The following TSBP1 variants were observed in gnomAD, a reference collection of about 807,000 sequenced individuals.
The protein encoded by TSBP1 is testis expressed basic protein 1.
A neutral mutation model predicts 68.8 loss-of-function variants in TSBP1; 56 were observed. The ratio of observed to expected loss-of-function variants is 0.81; its 90% CI spans 0.66 to 1.02. The LOEUF is 1.02. Among genes scored for constraint, TSBP1 ranks in the 50% least tolerant of loss-of-function variants. The pLI is 0.00. For synonymous variants in TSBP1, 171 were observed against 208.7 expected, an observed-to-expected ratio of 0.82 and a Z score of 1.56; for missense variants, 502 against 641.2, an observed-to-expected ratio of 0.78 and a Z score of 2.34.
chr6:32,324,824 C>A, intron 16 of TSBP1: 1 of 1,135,432 alleles, frequency 8.8e-7, no homozygotes, highest in Non-Finnish European at 1.2e-6. Flanking sequence ...TTCCAGAAAA[C>A]TAATTATCAG....
At chr6:32,310,761 A>ATATATATATATATATATATATATATATAT in intron 19 of TSBP1, among the ~76,000 whole-genome samples, 4 of 144,834 alleles carry the variant, frequency 2.8e-5, no homozygotes, top group African/African-American at 1.0e-4. Flanking sequence ...ATATATATAT[A>ATATATATATATATATATATATATATATAT]TTTTTAATCT....
intron 18 of TSBP1, among the ~76,000 whole-genome samples, chr6:32,319,756 C>T (rs951403492): frequency 2.6e-5 from 4 of 151,992 alleles, no homozygotes; most frequent in Non-Finnish European, 5.9e-5. Flanking sequence ...TATATGTTTA[C>T]TTGGCATTAT....
At position 32,323,628 on chromosome 6, in the gene TSBP1, A is replaced by C; in HGVS notation, c.515-14T>G. On this transcript the variant is annotated splice_polypyrimidine_tract_variant and intron_variant, in intron 16 of 22. Transcript: ENST00000612031. Reference sequence around the variant, plus strand: ...AAGGTGGACCAGCTGAAAAACAGAGAGGTATCTTAGCAACTGTTTTTTCTC... The same window carrying C: ...AAGGTGGACCAGCTGAAAAACAGAGCGGTATCTTAGCAACTGTTTTTTCTC... The C allele has an allele frequency of 6.2e-7, 1 of 1,611,652 alleles. No homozygotes were observed. Among genetic ancestry groups the C allele is most frequent in the Non-Finnish European group, 8.5e-7 (1 of 1,178,932 alleles).
Position 32,335,837 on chromosome 6 carries a change from G to T in TSBP1, c.451+75C>A. On this transcript the variant is annotated intron_variant, in intron 13 of 22. Coordinates refer to ENST00000612031, the Ensembl canonical transcript of TSBP1. This position sits in a 1 kb window ranked among gnomAD's most constrained non-coding sequence, Gnocchi z 5.5. ...TCCAAACCCTTGAAATCCCAACATG[G>T]AAACCAGGTAGCGATCCCTAAGATA... The T allele has an allele frequency of 8.3e-7, 1 of 1,204,116 alleles. No homozygotes were observed. 74.6% of individuals were successfully genotyped at this position (1,204,116 alleles called of 1,614,324 possible).
Position 32,315,767 on chromosome 6 carries a change from C to T in TSBP1, c.580+5G>A, listed in dbSNP as rs1372136702. The T allele has an allele frequency of 1.7e-5, 26 of 1,509,144 alleles. No homozygotes were observed. The highest frequency in any genetic ancestry group is 2.2e-5 in the Non-Finnish European group (25 of 1,123,288). 93.5% of individuals were successfully genotyped at this position (1,509,144 alleles called of 1,614,324 possible). On this transcript the variant is annotated splice_donor_5th_base_variant and intron_variant, in intron 19 of 22. Transcript: ENST00000612031. This position sits in a 1 kb window ranked among gnomAD's most constrained non-coding sequence, Gnocchi z 5.4. ...ATATGACCAGCTGAGAAATAAAGAA[C>T]TTACTTGCAGTTCTCTGCGAAATTA... is the stretch of plus-strand genomic sequence containing the variant.
chr6:32,336,371 A>G lies in TSBP1; in HGVS notation c.430+244T>C, dbSNP rs1769674286. On this transcript the variant is annotated intron_variant, in intron 12 of 22. Coordinates refer to ENST00000612031, the Ensembl canonical transcript of TSBP1. This position sits in a 1 kb window ranked among gnomAD's most constrained non-coding sequence, Gnocchi z 5.2. ...TGTGAGATTTCTTAACACTTCGTGC[A>G]TGGCCTCTTTGGAAACTATGTAATA... is the stretch of plus-strand genomic sequence containing the variant. Among the ~76,000 whole-genome samples, 1 of 152,184 alleles carries G rather than the reference A, an allele frequency of 6.6e-6. No homozygotes were observed. The highest frequency in any genetic ancestry group is 2.4e-5 in the African/African-American group (1 of 41,436).
At chr6:32,324,603 T>C (rs1768007489) in intron 16 of TSBP1, 1 of 1,475,180 alleles carries the variant, frequency 6.8e-7, no homozygotes, top group Admixed American at 2.3e-5. Context: ...ACTCTTGGAC[T>C]CCACTAGAGA....
At chr6:32,360,874 T>C (rs1772935437) in intron 6 of TSBP1, among the ~76,000 whole-genome samples, 1 of 110,442 alleles carries the variant, frequency 9.1e-6, no homozygotes, top group Non-Finnish European at 2.3e-5. Flanking sequence ...TTTGTTTTTT[T>C]CTCTCTCTCT....
intron 22 of TSBP1, among the ~76,000 whole-genome samples, chr6:32,298,558 G>T (rs1015752795): frequency 1.3e-5 from 2 of 151,630 alleles, no homozygotes; most frequent in East Asian, 1.9e-4. Flanking sequence ...CAGCTTGGGC[G>T]ACAAGAACGA....
rs1302591035 is a variant in TSBP1 at position 32,306,360 on chromosome 6, T to C, written c.581-3731A>G. Among the ~76,000 whole-genome samples the C allele has an allele frequency of 6.6e-6, 1 of 152,152 alleles. No individual in the cohort carries two copies. The highest frequency in any genetic ancestry group is 1.5e-5 in the Non-Finnish European group (1 of 68,034). On this transcript the variant is annotated intron_variant, in intron 19 of 22. Coordinates refer to ENST00000612031, the Ensembl canonical transcript of TSBP1. This position sits in a 1 kb window ranked among gnomAD's most constrained non-coding sequence, Gnocchi z 5.1. ...TCCTCAGTCATCTCTTGATTCTAAC[T>C]CCTGCGCATAATTTCCCCATATCCC...
chr6:32,371,783 A>C, exon 1 of TSBP1: 4 of 1,557,556 alleles, frequency 2.6e-6, no homozygotes, highest in Non-Finnish European at 3.5e-6. Flanking sequence ...AAAACGAAAA[A>C]CTCAAGTTCA....
At chr6:32,307,322 G>T (rs1037216854) in intron 19 of TSBP1, among the ~76,000 whole-genome samples, 3 of 151,776 alleles carry the variant, frequency 2.0e-5, no homozygotes, top group Non-Finnish European at 4.4e-5. Context: ...TGTAACCTGT[G>T]GATTATTTGG....
chr6:32,325,724 G>A lies in TSBP1; in HGVS notation c.515-2110C>T. 9.4e-7 allele frequency: 1 copy of A among 1,060,830 alleles called. No homozygotes were observed. The highest frequency in any genetic ancestry group is 1.4e-6 in the Non-Finnish European group (1 of 690,260). 65.7% of individuals were successfully genotyped at this position (1,060,830 alleles called of 1,614,324 possible). ...GACTGTCATTCAGAAATACCACAGT[G>A]TGAATGGCCACAACTGTGAAGTTAG... On this transcript the variant is annotated intron_variant, in intron 16 of 22. Coordinates refer to ENST00000612031, the Ensembl canonical transcript of TSBP1. This position sits in a 1 kb window ranked among gnomAD's most constrained non-coding sequence, Gnocchi z 4.4.
intron 6 of TSBP1, 61 bp downstream of exon 6, chr6:32,366,106 G>A (rs1773673011): frequency 6.3e-7 from 1 of 1,595,190 alleles, no homozygotes; most frequent in Non-Finnish European, 8.5e-7. Context: ...AGCCTTTTAT[G>A]TTGTGGCAGG....
At chr6:32,322,766 A>G (rs1055014908) in intron 18 of TSBP1, among the ~76,000 whole-genome samples, 2 of 152,168 alleles carry the variant, frequency 1.3e-5, no homozygotes, top group African/African-American at 4.8e-5. Context: ...TTGGACCTGA[A>G]CAGCTTTGGG....
At chr6:32,323,656 A>G (rs1162251759) in intron 16 of TSBP1, 42 bp from the exon 18 acceptor site, 3 of 1,601,920 alleles carry the variant, frequency 1.9e-6, no homozygotes, top group South Asian at 1.1e-5. Flanking sequence ...TTTTTCTCCC[A>G]TGATATTTTC....
At chr6:32,355,100 G>A in intron 8 of TSBP1, 24 bp downstream of exon 8, 1 of 1,604,310 alleles carries the variant, frequency 6.2e-7, no homozygotes, top group Non-Finnish European at 8.5e-7. Context: ...CAGTAGAATT[G>A]AAAGAAAACC....
intron 16 of TSBP1, among the ~76,000 whole-genome samples, chr6:32,329,087 G>C (rs1768616774): frequency 6.6e-6 from 1 of 152,138 alleles, no homozygotes; most frequent in Non-Finnish European, 1.5e-5. Context: ...TTTTGTTAAA[G>C]TCATTTAAAT....
chr6:32,305,018 C>T (rs1765653722), intron 19 of TSBP1, among the ~76,000 whole-genome samples: 1 of 152,108 alleles, frequency 6.6e-6, no homozygotes, highest in African/African-American at 2.4e-5. Flanking sequence ...TAACGCAGGC[C>T]TCCATAACAA....
Sources: allele counts gnomAD v4.1 joint callset (sites outside exome capture counted in the v4.1 genomes callset), GRCh38; gene constraint gnomAD v4.1.1; non-coding constraint Gnocchi (gnomAD v3.1); transcripts MANE v1.5; gene names NCBI Gene and HGNC (gene_info 2026-07-23, HGNC 2026-07-21).